The following EHD2 variants were observed in gnomAD, a reference collection of about 807,000 sequenced individuals.
EHD2 encodes the protein EH domain containing 2, also known as EH domain-containing protein 2.
EHD2 carries 27 observed loss-of-function variants against 41.0 expected under a neutral mutation model. That is an observed-to-expected ratio of 0.66 (90% confidence interval 0.49 to 0.91). The LOEUF is 0.91. Ranked by LOEUF, EHD2 falls within the 40% of genes least tolerant of loss-of-function variation. The probability of loss-of-function intolerance (pLI) is 0.00; values close to 1 mark genes in which losing one functional copy is unlikely to be tolerated. For synonymous variants in EHD2, 342 were observed against 341.0 expected, an observed-to-expected ratio of 1.00 and a Z score of -0.03; for missense variants, 673 against 773.9, an observed-to-expected ratio of 0.87 and a Z score of 1.55.
At chr19:47,740,713 C>T (rs1189050613) in intron 5 of EHD2, among the ~76,000 whole-genome samples, 168 bp from the exon 6 acceptor site, 2 of 152,088 alleles carry the variant, frequency 1.3e-5, no homozygotes, top group Non-Finnish European at 2.9e-5. Flanking sequence ...GCCATTTGCA[C>T]TCCAGCCTGG....
At chr19:47,715,075 A>AAATG (rs1568586769) in intron 1 of EHD2, among the ~76,000 whole-genome samples, 1 of 151,664 alleles carries the variant, frequency 6.6e-6, no homozygotes, top group African/African-American at 2.4e-5. Context: ...ATAAATAAAT[A>AAATG]AATAAAAAGA....
intron 4 of EHD2, chr19:47,731,267 T>TAAAAAAAAAAAAAAA (rs1168747038): frequency 4.6e-4 from 30 of 65,130 alleles, no homozygotes; most frequent in Non-Finnish European, 9.1e-4. Context: ...TGTGATTCTT[T>TAAAAAAAAAAAAAAA]AAAAAAAAAA....
intron 3 of EHD2, among the ~76,000 whole-genome samples, chr19:47,723,230 C>T (rs1206805455): frequency 6.6e-6 from 1 of 152,214 alleles, no homozygotes; most frequent in East Asian, 1.9e-4. Flanking sequence ...CTGCCTCAGC[C>T]TCCACACACA....
In EHD2 at chr19:47,731,873, C is replaced by T. The variant is rs148221240; in HGVS notation, c.916-4496C>T. Among the ~76,000 whole-genome samples, 1,261 of 150,240 alleles carry T rather than the reference C, an allele frequency of 8.4e-3. 23 individuals carry two copies. Among genetic ancestry groups the T allele is most frequent in the African/African-American group, 0.029 (1,171 of 40,814 alleles). ...CATGATCTCGGCTCACTGCAAGCTCCGCCTCCCGGGTTCACGCCATTCTCC... is the reference window on the plus strand; with the variant it reads ...CATGATCTCGGCTCACTGCAAGCTCTGCCTCCCGGGTTCACGCCATTCTCC... On this transcript the variant is annotated intron_variant, in intron 4 of 5. Transcript: ENST00000263277.
chr19:47,720,945 T>C (rs1431588649), intron 3 of EHD2, among the ~76,000 whole-genome samples: 1 of 151,948 alleles, frequency 6.6e-6, no homozygotes, highest in Non-Finnish European at 1.5e-5. Flanking sequence ...GGAGGTTATG[T>C]GTGTGCGACT....
chr19:47,735,904 G>A lies in EHD2; in HGVS notation c.916-465G>A, dbSNP rs559401672. On this transcript the variant is annotated intron_variant, in intron 4 of 5. Transcript: ENST00000263277. ...GGGCAACAGAGCGAGACTCTGTCTC[G>A]AAAAAAAAAAAGACTGGGCACGGTG... 8.3e-4 allele frequency among the ~76,000 whole-genome samples: 121 copies of A among 144,986 alleles called. 1 individual carries two copies. Among genetic ancestry groups the A allele is most frequent in the South Asian group, 3.5e-3 (16 of 4,584 alleles).
chr19:47,731,303 C>CGTATATATATATATATATATATACAT (rs1973811886), intron 4 of EHD2: 1 of 58,468 alleles, frequency 1.7e-5, no homozygotes, highest in African/African-American at 4.6e-5. Flanking sequence ...TATATATATA[C>CGTATATATATATATATATATATACAT]ATATATATAT....
At chr19:47,737,813 G>C (rs1047483761) in intron 5 of EHD2, among the ~76,000 whole-genome samples, 2 of 151,420 alleles carry the variant, frequency 1.3e-5, no homozygotes, top group East Asian at 3.9e-4. Flanking sequence ...TGGGCTCAAA[G>C]GTCCTTCTGC....
At chr19:47,720,829 G>C (rs1008713726) in intron 3 of EHD2, among the ~76,000 whole-genome samples, 2 of 152,086 alleles carry the variant, frequency 1.3e-5, no homozygotes, top group African/African-American at 2.4e-5. Context: ...GTGTGCTTCT[G>C]TGTGGTGTTG....
chr19:47,717,676 G>A (rs991268440), intron 2 of EHD2, among the ~76,000 whole-genome samples: 1 of 152,072 alleles, frequency 6.6e-6, no homozygotes, highest in Non-Finnish European at 1.5e-5. Context: ...GGAGGCCAAG[G>A]CAGGTAGATC....
rs1344400849 is a variant in EHD2, at chr19:47,719,271, T to C, written c.502+665T>C. ...CAAGGCCTGGAGATGAGGCAGAGCC[T>C]GGGCAGGGGAGGCAGAGCCCGGGCA... On this transcript the variant is annotated intron_variant, in intron 3 of 5. Coordinates refer to ENST00000263277, the MANE Select transcript of EHD2 (RefSeq NM_014601.4). The surrounding 1 kb of genome is among the most constrained non-coding windows in gnomAD (Gnocchi z 4.1). Among the ~76,000 whole-genome samples the C allele has an allele frequency of 1.3e-5, 2 of 151,442 alleles. No individual in the cohort carries two copies. Among genetic ancestry groups the C allele is most frequent in the African/African-American group, 4.9e-5 (2 of 41,232 alleles).
At chr19:47,726,549 CT>C (rs1171168903) in intron 4 of EHD2, among the ~76,000 whole-genome samples, 34 of 148,846 alleles carry the variant, frequency 2.3e-4, no homozygotes, top group African/African-American at 6.1e-4. Context: ...TCCTCCTCTT[CT>C]TCTCCCTCCT....
rs2974233 is a variant in EHD2, at chr19:47,719,946, A to G, written c.502+1340A>G. 0.18 allele frequency among the ~76,000 whole-genome samples: 26,806 copies of G among 146,850 alleles called. 2,643 individuals carry two copies. Among genetic ancestry groups the G allele is most frequent in the Middle Eastern group, 0.31 (89 of 290 alleles). ...AGAGTGTCCAGCTGTTGGTGTGTAT[A>G]TGTGTGTGTGTGTGTGTGTGTGTGA... On this transcript the variant is annotated intron_variant, in intron 3 of 5. Coordinates refer to ENST00000263277, the MANE Select transcript of EHD2 (RefSeq NM_014601.4). This position sits in a 1 kb window ranked among gnomAD's most constrained non-coding sequence, Gnocchi z 4.1.
chr19:47,720,515 G>A (rs549522936), intron 3 of EHD2, among the ~76,000 whole-genome samples: 3 of 152,070 alleles, frequency 2.0e-5, no homozygotes, highest in Non-Finnish European at 4.4e-5. Flanking sequence ...GTAGGGCTAT[G>A]AGAGACTTTG....
intron 4 of EHD2, chr19:47,731,314 A>ATATACATATATATATATGTGTAT (rs1160770476): frequency 3.5e-5 from 4 of 113,986 alleles, no homozygotes; most frequent in Non-Finnish European, 7.8e-5. Context: ...ATATATATAT[A>ATATACATATATATATATGTGTAT]ATTTTTTTTT....
In EHD2 at chr19:47,742,626, C is replaced by T. The variant is rs562771369; in HGVS notation, c.*1194C>T. On this transcript the variant is annotated 3_prime_UTR_variant, in exon 6 of 6. Transcript: ENST00000263277. Reference sequence around the variant, plus strand: ...TAGCAGGCAGAAAAGCCCCTTCCATCCTGCTCCTCTGATACTGTGCCCCCT... The same window carrying T: ...TAGCAGGCAGAAAAGCCCCTTCCATTCTGCTCCTCTGATACTGTGCCCCCT... The T allele has an allele frequency of 6.5e-6, 1 of 152,944 alleles. No homozygotes were observed. Among genetic ancestry groups the T allele is most frequent in the Non-Finnish European group, 1.5e-5 (1 of 68,540 alleles). 9.5% of individuals were successfully genotyped at this position (152,944 alleles called of 1,614,324 possible).
chr19:47,721,743 G>A (rs1167623819), intron 3 of EHD2, among the ~76,000 whole-genome samples: 2 of 152,070 alleles, frequency 1.3e-5, no homozygotes, highest in Non-Finnish European at 2.9e-5. Context: ...CCAGCAGTTT[G>A]AGAGGCCAAG....
chr19:47,731,304 A>ACATATATATG (rs1555793927), intron 4 of EHD2: 1 of 57,830 alleles, frequency 1.7e-5, no homozygotes, highest in Middle Eastern at 8.2e-3. Context: ...ATATATATAC[A>ACATATATATG]TATATATATA....
At chr19:47,726,269 C>A (rs1249926756) in intron 4 of EHD2, 45 bp downstream of exon 4, 2 of 1,451,462 alleles carry the variant, frequency 1.4e-6, no homozygotes, top group Middle Eastern at 2.0e-4. Context: ...GAGGAGGTTT[C>A]CTCGGTCCTC....
Sources: allele counts gnomAD v4.1 joint callset (sites outside exome capture counted in the v4.1 genomes callset), GRCh38; gene constraint gnomAD v4.1.1; non-coding constraint Gnocchi (gnomAD v3.1); transcripts MANE v1.5; gene names NCBI Gene and HGNC (gene_info 2026-07-23, HGNC 2026-07-21).